SLC48A1: variants seen among roughly 807,000 people sequenced by gnomAD.
SLC48A1 encodes solute carrier family 48 member 1.
SLC48A1 carries 6 observed loss-of-function variants against 14.8 expected under a neutral mutation model. That is an observed-to-expected ratio of 0.41 (90% confidence interval 0.22 to 0.80). The LOEUF is 0.80. Ranked by LOEUF, SLC48A1 falls within the 30% of genes least tolerant of loss-of-function variation. The pLI is 0.34. For synonymous variants in SLC48A1, 89 were observed against 90.0 expected (o/e 0.99, Z 0.06); for missense variants, 165 against 204.8 (o/e 0.81, Z 1.19).
intron 1 of SLC48A1, among the ~76,000 whole-genome samples, chr12:47,774,313 G>C (rs1942693972): frequency 6.6e-6 from 1 of 152,198 alleles, no homozygotes; most frequent in African/African-American, 2.4e-5. Flanking sequence ...CTTTCTATGT[G>C]TCAGGCACTA....
intron 1 of SLC48A1, chr12:47,758,753 G>T (rs984863013): frequency 4.9e-5 from 62 of 1,266,696 alleles, no homozygotes; most frequent in Middle Eastern, 3.0e-4. Flanking sequence ...CTCCTCTTGG[G>T]TGAGTAGAGG....
Position 47,780,241 on chromosome 12 carries a change from G to T in SLC48A1, c.401G>T (p.Arg134Leu). Residue 134 changes from arginine to leucine, a missense_variant, in exon 3 of 3, where the codon CGG becomes CTG. By Grantham distance (102) the Arg-to-Leu change is moderately radical (BLOSUM62 -2). Coordinates refer to ENST00000442218, the MANE Select transcript of SLC48A1 (RefSeq NM_017842.3). ...FLLSLYAHRY[R>L]ADFADISILS... ...CTCAGCCTCTATGCCCACCGCTACC[G>T]GGCTGACTTTGCTGACATCAGCATC... 3 of 1,614,096 alleles carry T rather than the reference G, an allele frequency of 1.9e-6. No homozygotes were observed. Among genetic ancestry groups the T allele is most frequent in the Non-Finnish European group, 2.5e-6 (3 of 1,180,006 alleles).
At chr12:47,761,817 C>T (rs946987845) in intron 2 of SLC48A1, among the ~76,000 whole-genome samples, 2 of 152,204 alleles carry the variant, frequency 1.3e-5, no homozygotes, top group Non-Finnish European at 2.9e-5. Context: ...TATATATTCA[C>T]TGACTGAATT....
At chr12:47,767,937 A>C (rs181853745), upstream of SLC48A1, among the ~76,000 whole-genome samples, 7 of 152,226 alleles carry the variant, frequency 4.6e-5, no homozygotes, top group Admixed American at 2.0e-4. Flanking sequence ...TGATTGAAGC[A>C]GGGGAGTACC....
At chr12:47,767,619 G>A (rs1942544344), upstream of SLC48A1, among the ~76,000 whole-genome samples, 2 of 152,282 alleles carry the variant, frequency 1.3e-5, no homozygotes, top group South Asian at 4.1e-4. Flanking sequence ...CAGGAGTAGG[G>A]GTGGAAAGTA....
chr12:47,774,514 A>G (rs1942697395), intron 1 of SLC48A1, among the ~76,000 whole-genome samples: 1 of 152,210 alleles, frequency 6.6e-6, no homozygotes, highest in Non-Finnish European at 1.5e-5. Context: ...TACGTATAAT[A>G]CTTTTACATA....
intron 1 of SLC48A1, chr12:47,759,223 G>C: frequency 1.9e-6 from 1 of 534,694 alleles, no homozygotes; most frequent in Non-Finnish European, 2.4e-6. Flanking sequence ...AGCGGGGAGG[G>C]GGTGAGTCAC....
chr12:47,754,077 G>A (rs1592574733), upstream of SLC48A1: 1 of 152,234 alleles, frequency 6.6e-6, no homozygotes, highest in East Asian at 1.9e-4. Flanking sequence ...CCAGAGGTAG[G>A]TATTTGTTTC....
intron 2 of SLC48A1, 146 bp from the exon 3 acceptor site, chr12:47,779,999 C>T: frequency 9.7e-7 from 1 of 1,033,432 alleles, no homozygotes; most frequent in South Asian, 1.8e-5. Context: ...CTAAAACCTC[C>T]ATCACAGTGT....
chr12:47,759,362 C>G (rs1206676881), intron 1 of SLC48A1, among the ~76,000 whole-genome samples: 2 of 145,236 alleles, frequency 1.4e-5, no homozygotes, highest in African/African-American at 2.6e-5. Flanking sequence ...CGGGGAATCC[C>G]GCTGCCTTGC....
rs1369601761 is a variant in SLC48A1, at chr12:47,762,640, C to T, written c.-187+2239C>T. Among the ~76,000 whole-genome samples, 3 of 152,192 alleles carry T rather than the reference C, an allele frequency of 2.0e-5. No individual in the cohort carries two copies. The East Asian group carries it at 5.8e-4, about 29-fold the overall frequency. On this transcript the variant is annotated intron_variant, in intron 2 of 4. Coordinates refer to the SLC48A1 transcript ENST00000547002. ...TATATACATCTTTTTATCCTCAGAA[C>T]AATTCCTATTTGCGAGTGAGGAAAC...
chr12:47,759,899 C>CT (rs3840799), intron 1 of SLC48A1, among the ~76,000 whole-genome samples: 48,119 of 130,930 alleles, frequency 0.37, 9,500 homozygotes, highest in East Asian at 0.79. Flanking sequence ...AAAGCCTATA[C>CT]CCCAATTTTG....
upstream of SLC48A1, chr12:47,758,507 C>A (rs760376900): frequency 6.2e-7 from 1 of 1,605,992 alleles, no homozygotes. Context: ...CTTCCTCTCC[C>A]GCCCTCTCCT....
chr12:47,780,287 G>T lies in SLC48A1; in HGVS notation c.*6G>T. The T allele has an allele frequency of 1.2e-6, 2 of 1,614,200 alleles. No individual in the cohort carries two copies. The highest frequency in any genetic ancestry group is 1.7e-6 in the Non-Finnish European group (2 of 1,180,018). ...GCATCCTCAGCGATTTCTGACCCAG[G>T]GGGTGAGGTCTCTGCACCCTGGGGG... On this transcript the variant is annotated 3_prime_UTR_variant, in exon 3 of 3. Transcript: ENST00000442218.
intron 2 of SLC48A1, among the ~76,000 whole-genome samples, chr12:47,762,285 G>A (rs1019656351): frequency 4.4e-5 from 6 of 136,684 alleles, no homozygotes; most frequent in Admixed American, 7.2e-5. Flanking sequence ...TCCCCACCTC[G>A]GCCTCTTTGC....
At chr12:47,778,925 C>A in intron 1 of SLC48A1, 103 bp from the exon 2 acceptor site, 1 of 1,307,108 alleles carries the variant, frequency 7.7e-7, no homozygotes, top group Non-Finnish European at 1.0e-6. Context: ...GAATGAGAGA[C>A]AAGACCATAT....
chr12:47,769,489 C>T (rs1942583025), upstream of SLC48A1: 1 of 152,208 alleles, frequency 6.6e-6, no homozygotes, highest in African/African-American at 2.4e-5. Flanking sequence ...GATCTTAATT[C>T]TCTCACACCT....
At chr12:47,763,145 GGAGAGGAGCTAGTTT>G (rs67083527) in intron 2 of SLC48A1, among the ~76,000 whole-genome samples, 20,157 of 152,182 alleles carry the variant, frequency 0.13, 1,434 homozygotes, top group Non-Finnish European at 0.16. Context: ...AGGGTGGAAG[GGAGAGGAGCTAGTTT>G]CCCAGTTCAA....
chr12:47,768,039 G>A (rs1942553928), upstream of SLC48A1, among the ~76,000 whole-genome samples: 1 of 152,016 alleles, frequency 6.6e-6, no homozygotes, highest in African/African-American at 2.4e-5. Flanking sequence ...GTTGAGTGGT[G>A]CGATCTTGGC....
Sources: gnomAD v4.1 joint callset for allele counts (sites outside exome capture counted in the v4.1 genomes callset) on GRCh38, gnomAD v4.1.1 for gene constraint, MANE v1.5 for transcripts, NCBI Gene and HGNC (gene_info 2026-07-23, HGNC 2026-07-21) for gene names.